Variants in TMPRSS9 observed in about 807,000 individuals in gnomAD.
The protein encoded by TMPRSS9 is transmembrane serine protease 9, also known as transmembrane protease serine 9.
A neutral mutation model predicts 111.4 loss-of-function variants in TMPRSS9; 113 were observed. The ratio of observed to expected loss-of-function variants is 1.01; its 90% CI spans 0.87 to 1.19. TMPRSS9 has a LOEUF of 1.19. Among genes scored for constraint, TMPRSS9 ranks in the 50% most tolerant of loss-of-function variants. The pLI is 0.00. For missense variants in TMPRSS9, 1,803 were observed against 1,513.1 expected, an observed-to-expected ratio of 1.19 and a Z score of -3.18; for synonymous variants, 805 against 659.1, an observed-to-expected ratio of 1.22 and a Z score of -3.39.
chr19:2,426,237 C>A, exon 18 of TMPRSS9: 3 of 864,702 alleles, frequency 3.5e-6, no homozygotes, highest in Non-Finnish European at 5.1e-6. Context: ...CCCTTTGTTC[C>A]AATAAACACA....
chr19:2,393,159 C>A (rs1002887320), intron 1 of TMPRSS9, among the ~76,000 whole-genome samples: 2 of 152,242 alleles, frequency 1.3e-5, no homozygotes, highest in East Asian at 3.9e-4. Flanking sequence ...CGGCAACCGG[C>A]TTGGGGACCT....
At chr19:2,398,342 G>A (rs1970753654) in intron 2 of TMPRSS9, among the ~76,000 whole-genome samples, 1 of 151,136 alleles carries the variant, frequency 6.6e-6, no homozygotes, top group South Asian at 2.1e-4. Context: ...CATAAGTCTG[G>A]GCGTGGTGGC....
rs148823658 is a variant in TMPRSS9, at chr19:2,384,092, G to A, written c.-25-5669G>A. Among the ~76,000 whole-genome samples the A allele has an allele frequency of 4.3e-3, 655 of 152,214 alleles. 3 individuals are homozygous for A. The highest frequency in any genetic ancestry group is 6.9e-3 in the Non-Finnish European group (472 of 68,004). On this transcript the variant is annotated intron_variant, in intron 1 of 17. Coordinates refer to the TMPRSS9 transcript ENST00000649857. ...GAGAAGCCCTCGGCCACGTGGGCAC[G>A]TCCAGGGGACCCCGCCCGGGGAAAC... is the stretch of plus-strand genomic sequence containing the variant.
intron 1 of TMPRSS9, among the ~76,000 whole-genome samples, chr19:2,395,548 G>C (rs1970687872): frequency 6.6e-6 from 1 of 152,072 alleles, no homozygotes; most frequent in Non-Finnish European, 1.5e-5. Context: ...CCAACATGGA[G>C]AAACCCCATC....
At chr19:2,401,273 CAAAA>C (rs534945361) in intron 4 of TMPRSS9, among the ~76,000 whole-genome samples, 1 of 145,296 alleles carries the variant, frequency 6.9e-6, no homozygotes, top group East Asian at 2.0e-4. Context: ...GACTCCGTCT[CAAAA>C]AAAAAAAGTC....
intron 1 of TMPRSS9, among the ~76,000 whole-genome samples, chr19:2,372,151 T>TGCAG (rs1970296162): frequency 6.6e-6 from 1 of 152,166 alleles, no homozygotes; most frequent in South Asian, 2.1e-4. Flanking sequence ...CCACTGTGCC[T>TGCAG]GGCCCCTTCT....
At chr19:2,424,538 C>T (rs1366368179) in intron 15 of TMPRSS9, among the ~76,000 whole-genome samples, 1 of 139,088 alleles carries the variant, frequency 7.2e-6, no homozygotes, top group Non-Finnish European at 1.6e-5. Context: ...GCTGCGGCCC[C>T]CCCCCTCCAG....
chr19:2,402,505 C>T (rs1042756809), intron 5 of TMPRSS9, among the ~76,000 whole-genome samples: 16 of 151,852 alleles, frequency 1.1e-4, no homozygotes, highest in African/African-American at 3.6e-4. Context: ...TTTGGGAGGC[C>T]GAGGTGGGTG....
intron 1 of TMPRSS9, among the ~76,000 whole-genome samples, chr19:2,361,432 C>T (rs1242365888): frequency 2.0e-5 from 3 of 151,620 alleles, no homozygotes; most frequent in Non-Finnish European, 2.9e-5. Context: ...TGGAGCCTCT[C>T]CTCCCGCCCC....
chr19:2,416,240 CAA>C (rs1198872978), intron 11 of TMPRSS9: 2 of 461,496 alleles, frequency 4.3e-6, no homozygotes, highest in African/African-American at 2.0e-5. Flanking sequence ...CCTGTCTCAA[CAA>C]AAAAGAGACT....
intron 1 of TMPRSS9, among the ~76,000 whole-genome samples, chr19:2,371,329 A>T (rs1970288915): frequency 6.6e-6 from 1 of 152,102 alleles, no homozygotes; most frequent in Non-Finnish European, 1.5e-5. Flanking sequence ...ACGGCTCCAG[A>T]TGGTTCCTGA....
intron 13 of TMPRSS9, 99 bp from the exon 15 acceptor site, chr19:2,421,755 C>A: frequency 3.6e-6 from 5 of 1,390,350 alleles, no homozygotes; most frequent in Non-Finnish European, 4.9e-6. Flanking sequence ...CCCCCGCCCT[C>A]GATGGCTCCC....
chr19:2,403,317 C>A, intron 6 of TMPRSS9, 122 bp downstream of exon 7: 1 of 808,660 alleles, frequency 1.2e-6, no homozygotes, highest in South Asian at 1.5e-5. Flanking sequence ...TTTATGGGGG[C>A]TGGGCAGAGA....
At chr19:2,409,530 G>C (rs892616795) in intron 8 of TMPRSS9, among the ~76,000 whole-genome samples, 1 of 152,038 alleles carries the variant, frequency 6.6e-6, no homozygotes, top group Non-Finnish European at 1.5e-5. Context: ...AGTTCCAGGG[G>C]GTTGTCAATC....
At chr19:2,422,748 C>T (rs1039554309) in intron 14 of TMPRSS9, among the ~76,000 whole-genome samples, 1 of 152,158 alleles carries the variant, frequency 6.6e-6, no homozygotes, top group Non-Finnish European at 1.5e-5. Flanking sequence ...AAAAGCCAGG[C>T]ATGGTGACAG....
intron 9 of TMPRSS9, 91 bp from the exon 11 acceptor site, chr19:2,413,608 TC>T: frequency 5.7e-6 from 8 of 1,410,790 alleles, no homozygotes; most frequent in Admixed American, 1.9e-5. Context: ...GTCCTGGCTG[TC>T]CCAGCTCAGA....
chr19:2,366,386 G>A (rs1970247864), intron 1 of TMPRSS9, among the ~76,000 whole-genome samples: 1 of 152,102 alleles, frequency 6.6e-6, no homozygotes. Context: ...AGACAGAAGA[G>A]CCCTGGGACC....
At chr19:2,384,812 CAAAA>C (rs1176243923), upstream of TMPRSS9, among the ~76,000 whole-genome samples, 1,524 of 94,340 alleles carry the variant, frequency 0.016, 38 homozygotes, top group African/African-American at 0.056. Flanking sequence ...AAGGCTCCGT[CAAAA>C]AAAAAAAAAA....
chr19:2,377,990 T>G (rs1970353428), intron 1 of TMPRSS9, among the ~76,000 whole-genome samples: 1 of 151,732 alleles, frequency 6.6e-6, no homozygotes, highest in African/African-American at 2.4e-5. Flanking sequence ...CCCTCCCACC[T>G]CAGCCTCCTG....
Sources: allele counts gnomAD v4.1 joint callset (sites outside exome capture counted in the v4.1 genomes callset), GRCh38; gene constraint gnomAD v4.1.1; transcripts MANE v1.5; gene names NCBI Gene and HGNC (gene_info 2026-07-23, HGNC 2026-07-21).